Variants in PPP1R9B observed in about 807,000 individuals in gnomAD.
The protein encoded by PPP1R9B is protein phosphatase 1 regulatory subunit 9B.
PPP1R9B carries 17 observed loss-of-function variants against 75.8 expected under a neutral mutation model. The observed-to-expected ratio is 0.22, with a 90% confidence interval of 0.15 to 0.34. PPP1R9B has a LOEUF of 0.34. Ranked by LOEUF, PPP1R9B falls within the 10% of genes least tolerant of loss-of-function variation. The pLI, the probability that PPP1R9B is intolerant of heterozygous loss-of-function variation, is 1.00. For missense variants in PPP1R9B, 875 were observed against 1,196.0 expected, an observed-to-expected ratio of 0.73 and a Z score of 3.96; for synonymous variants, 509 against 535.4, an observed-to-expected ratio of 0.95 and a Z score of 0.68.
In PPP1R9B at chr17:50,150,598, T is replaced by A. The variant is rs1488863749; in HGVS notation, c.-85A>T. ...TGGCCAAGTCGGGACCACCGCCCCC[T>A]CCCCCCGATAAAAGAAACCCCGAAG... On this transcript the variant is annotated 5_prime_UTR_variant, in exon 1 of 10. Transcript: ENST00000612501. The surrounding 1 kb of genome is among the most constrained non-coding windows in gnomAD (Gnocchi z 8.7). 9.2e-7 allele frequency: 1 copy of A among 1,084,356 alleles called. No homozygotes were observed. The highest frequency in any genetic ancestry group is 3.4e-5 in the African/African-American group (1 of 29,258). 67.2% of individuals were successfully genotyped at this position (1,084,356 alleles called of 1,614,324 possible). A position where few individuals can be genotyped will look rare whatever the true frequency, so the allele number is the denominator to read the frequency against.
chr17:50,141,932 G>C (rs1175835247), intron 3 of PPP1R9B, among the ~76,000 whole-genome samples: 1 of 152,182 alleles, frequency 6.6e-6, no homozygotes, highest in Non-Finnish European at 1.5e-5. Context: ...TGACTGAGCG[G>C]TGTGACATTC....
intron 8 of PPP1R9B, 67 bp downstream of exon 8, chr17:50,135,901 G>T: frequency 7.9e-7 from 1 of 1,257,996 alleles, no homozygotes; most frequent in Non-Finnish European, 1.1e-6. Context: ...GAGGGATGGG[G>T]AGGGACTGTC....
intron 1 of PPP1R9B, among the ~76,000 whole-genome samples, chr17:50,147,501 C>G (rs1467415184): frequency 6.6e-6 from 1 of 152,242 alleles, no homozygotes; most frequent in Non-Finnish European, 1.5e-5. Flanking sequence ...CAGGGCGGGC[C>G]AGCTCCAAAG....
chr17:50,149,653 C>T lies in PPP1R9B; in HGVS notation c.861G>A (p.Arg287=), dbSNP rs1912628589. 1 of 1,511,852 alleles carries T rather than the reference C, an allele frequency of 6.6e-7. No individual in the cohort carries two copies. The highest frequency in any genetic ancestry group is 8.8e-7 in the Non-Finnish European group (1 of 1,132,938). 93.7% of individuals were successfully genotyped at this position (1,511,852 alleles called of 1,614,324 possible). Residue 287 remains arginine (R), a synonymous_variant, in exon 1 of 10, where the codon CGG becomes CGA. Coordinates refer to ENST00000612501, the MANE Select transcript of PPP1R9B (RefSeq NM_032595.5). The surrounding 1 kb of genome is among the most constrained non-coding windows in gnomAD (Gnocchi z 7.2). The part of the protein sequence containing the change: ...QPPQHRVAPA[R]PPPKPREVRK... ...GCACCTCCCGGGGCTTGGGGGGCGG[C>T]CGGGCAGGGGCCACTCGGTGCTGCG... is the stretch of plus-strand genomic sequence containing the variant.
intron 1 of PPP1R9B, among the ~76,000 whole-genome samples, chr17:50,147,269 T>A (rs1912540256): frequency 6.6e-6 from 1 of 152,236 alleles, no homozygotes. Context: ...CCCACCTCCC[T>A]GAGGCCAAGC....
rs368190197 is a variant in PPP1R9B at position 50,145,648 on chromosome 17, GAGGA to G, written c.1372-407_1372-404del. Reference sequence around the variant, plus strand: ...GAGGGGACACAAAGACAGACACAGAGAGGAAGGAACAGGCTGAGCAGAAGAGGGG... The same window carrying G: ...GAGGGGACACAAAGACAGACACAGAGAGGAACAGGCTGAGCAGAAGAGGGG... On this transcript the variant is annotated intron_variant, in intron 1 of 9. Transcript: ENST00000612501. 6.9e-3 allele frequency among the ~76,000 whole-genome samples: 1,058 copies of G among 152,284 alleles called. 15 individuals are homozygous for G. The highest frequency in any genetic ancestry group is 0.023 in the African/African-American group (968 of 41,538).
chr17:50,141,546 C>T (rs1261950033), intron 3 of PPP1R9B, among the ~76,000 whole-genome samples, 173 bp from the exon 4 acceptor site: 3 of 151,674 alleles, frequency 2.0e-5, no homozygotes, highest in Non-Finnish European at 4.4e-5. Flanking sequence ...GCCTGTAGTC[C>T]CAGTTACTTG....
intron 1 of PPP1R9B, among the ~76,000 whole-genome samples, chr17:50,148,342 T>G (rs1912575324): frequency 6.6e-6 from 1 of 152,252 alleles, no homozygotes; most frequent in Non-Finnish European, 1.5e-5. Flanking sequence ...GAGTCTGTCC[T>G]ATTGAGCAGC....
intron 7 of PPP1R9B, among the ~76,000 whole-genome samples, chr17:50,137,956 A>G (rs1912270728): frequency 6.6e-6 from 1 of 152,148 alleles, no homozygotes. Flanking sequence ...GTGGGAGGGT[A>G]CACACACTCC....
intron 7 of PPP1R9B, among the ~76,000 whole-genome samples, chr17:50,136,891 C>G (rs1209298360): frequency 6.6e-6 from 1 of 151,966 alleles, no homozygotes; most frequent in Non-Finnish European, 1.5e-5. Context: ...GTACCATGCC[C>G]CAGACCAGGC....
At position 50,150,638 on chromosome 17, in the gene PPP1R9B, C is replaced by T. The variant is rs542315546; in HGVS notation, c.-125G>A. 2.1e-6 allele frequency: 2 copies of T among 959,070 alleles called. No individual in the cohort carries two copies. Among genetic ancestry groups the T allele is most frequent in the East Asian group, 3.3e-5 (1 of 30,154 alleles). The allele number at this position is 959,070 out of a possible 1,614,324, so 59.4% of individuals were successfully genotyped here. On this transcript the variant is annotated 5_prime_UTR_variant, in exon 1 of 10. Coordinates refer to ENST00000612501, the MANE Select transcript of PPP1R9B (RefSeq NM_032595.5). This position sits in a 1 kb window ranked among gnomAD's most constrained non-coding sequence, Gnocchi z 8.7. ...AAACCCCGAAGGCCTTTTTTAGGGT[C>T]CCCCCAAAACCAAGCTGCCAAAAAC...
chr17:50,140,144 C>T lies in PPP1R9B; in HGVS notation c.1815G>A (p.Gln605=), dbSNP rs1912335394. The change falls in exon 5 of 10, where the codon CAG becomes CAA. Residue 605 remains glutamine, a synonymous_variant. Transcript: ENST00000612501. ...IQQTLEQERW[Q]REMMEQRYAQ... ...CGTATCTCTGCTCCATCATCTCCCG[C>T]TGCCATCGCTCCTGTTCCAAAGTCT... 2 of 1,613,336 alleles carry T rather than the reference C, an allele frequency of 1.2e-6. No individual in the cohort carries two copies. Among genetic ancestry groups the T allele is most frequent in the Non-Finnish European group, 1.7e-6 (2 of 1,179,704 alleles).
At position 50,150,358 on chromosome 17, in the gene PPP1R9B, G is replaced by A; in HGVS notation, c.156C>T (p.Ser52=). Residue 52 remains serine (S), a synonymous_variant, in exon 1 of 10, where the codon TCC becomes TCT. Transcript: ENST00000612501. This position sits in a 1 kb window ranked among gnomAD's most constrained non-coding sequence, Gnocchi z 8.7. ...ACATACTTTTGATGCGGTGGACGTTGGAGCCATATTTCTTGTGGTGGGCCC... is the reference window on the plus strand; with the variant it reads ...ACATACTTTTGATGCGGTGGACGTTAGAGCCATATTTCTTGTGGTGGGCCC... ...PKGAHHKKYG[S]NVHRIKSMFL... 3 of 1,430,340 alleles carry A rather than the reference G, an allele frequency of 2.1e-6. No individual in the cohort carries two copies. Among genetic ancestry groups the A allele is most frequent in the Non-Finnish European group, 2.7e-6 (3 of 1,091,722 alleles). The allele number at this position is 1,430,340 out of a possible 1,614,324, so 88.6% of individuals were successfully genotyped here.
Position 50,139,684 on chromosome 17 carries a change from C to G in PPP1R9B, c.1867-103G>C. 1.0e-5 allele frequency: 14 copies of G among 1,355,248 alleles called. No homozygotes were observed. Among genetic ancestry groups the G allele is most frequent in the Non-Finnish European group, 1.4e-5 (14 of 1,001,382 alleles). 84.0% of individuals were successfully genotyped at this position (1,355,248 alleles called of 1,614,324 possible). ...TGCCCATGCCAGACAGAGAGCTACC[C>G]AGGAATGTGGTTCATGCCTCCCACT... On this transcript the variant is annotated intron_variant, in intron 5 of 9. Coordinates refer to ENST00000612501, the MANE Select transcript of PPP1R9B (RefSeq NM_032595.5). The surrounding 1 kb of genome is among the most constrained non-coding windows in gnomAD (Gnocchi z 5.0).
Position 50,145,255 on chromosome 17 carries a change from G to A in PPP1R9B, c.1372-10C>T. On this transcript the variant is annotated splice_polypyrimidine_tract_variant and intron_variant, in intron 1 of 9. Transcript: ENST00000612501. ...AGTAAGTGCTGAACACCTGGGGAGG[G>A]AGGCAGCTGGTCAGAGAGGCCGGCA... 6.2e-7 allele frequency: 1 copy of A among 1,613,020 alleles called. No homozygotes were observed. The highest frequency in any genetic ancestry group is 8.5e-7 in the Non-Finnish European group (1 of 1,179,874).
chr17:50,149,362 C>T lies in PPP1R9B; in HGVS notation c.1152G>A (p.Lys384=), dbSNP rs753936005. The T allele has an allele frequency of 9.9e-6, 16 of 1,613,332 alleles. No homozygotes were observed. In the East Asian group the frequency reaches 3.3e-4, roughly 34 times the overall value. ...VAPEEVDESK[K]EDFSEADLVD... ...CCAAGTCCGCCTCCGAGAAGTCCTC[C>T]TTCTTGGATTCATCTACCTCCTCAG... The change falls in exon 1 of 10, where the codon AAG becomes AAA. Residue 384 remains lysine, a synonymous_variant. Coordinates refer to ENST00000612501, the MANE Select transcript of PPP1R9B (RefSeq NM_032595.5). This position sits in a 1 kb window ranked among gnomAD's most constrained non-coding sequence, Gnocchi z 7.2.
In PPP1R9B at chr17:50,149,296, C is replaced by T. The variant is rs937037476; in HGVS notation, c.1218G>A (p.Ala406=). The T allele has an allele frequency of 6.2e-7, 1 of 1,613,328 alleles. No individual in the cohort carries two copies. The highest frequency in any genetic ancestry group is 1.7e-5 in the Admixed American group (1 of 60,006). Residue 406 remains alanine (A), a synonymous_variant, in exon 1 of 10, where the codon GCG becomes GCA. Transcript: ENST00000612501. This position sits in a 1 kb window ranked among gnomAD's most constrained non-coding sequence, Gnocchi z 7.2. ...SAYSGLGEDS[A]GSALEEDDED... ...CGTCGTCCTCCTCCAGGGCACTGCC[C>T]GCAGAGTCCTCCCCGAGCCCACTGT... is the stretch of plus-strand genomic sequence containing the variant.
chr17:50,145,290 G>GT (rs1442621438), intron 1 of PPP1R9B, 45 bp from the exon 2 acceptor site: 1 of 1,608,682 alleles, frequency 6.2e-7, no homozygotes, highest in African/African-American at 1.3e-5. Flanking sequence ...AGGAGGACAA[G>GT]TGCAGAACTG....
chr17:50,148,506 A>C (rs893866669), intron 1 of PPP1R9B, among the ~76,000 whole-genome samples: 1 of 152,100 alleles, frequency 6.6e-6, no homozygotes, highest in South Asian at 2.1e-4. Context: ...GCCTGCAGGG[A>C]CCCCCAGGGA....
Sources: allele counts gnomAD v4.1 joint callset (sites outside exome capture counted in the v4.1 genomes callset), GRCh38; gene constraint gnomAD v4.1.1; non-coding constraint Gnocchi (gnomAD v3.1); transcripts MANE v1.5; gene names NCBI Gene and HGNC (gene_info 2026-07-23, HGNC 2026-07-21).